Variants in PLXDC2 observed in about 807,000 individuals in gnomAD.
PLXDC2 encodes the protein plexin domain-containing protein 2.
PLXDC2 carries 40 observed loss-of-function variants against 68.9 expected under a neutral mutation model. That is an observed-to-expected ratio of 0.58 (90% CI 0.45 to 0.76). The LOEUF (loss-of-function observed/expected upper bound fraction) is 0.76. Among genes scored for constraint, PLXDC2 ranks in the 30% least tolerant of loss-of-function variants. PLXDC2 has a pLI of 0.00. For synonymous variants in PLXDC2, 243 were observed against 234.2 expected, an observed-to-expected ratio of 1.04 and a Z score of -0.34; for missense variants, 644 against 661.9, an observed-to-expected ratio of 0.97 and a Z score of 0.30.
rs1019912407 is a variant in PLXDC2, at chr10:20,281,960, C to G, written c.*2141C>G. On this transcript the variant is annotated 3_prime_UTR_variant, in exon 14 of 14. Coordinates refer to ENST00000377252, the MANE Select transcript of PLXDC2 (RefSeq NM_032812.9). ...TTGCATGTGTATTCTTAGTTTGTGT[C>G]CCTTAAGTACTACTTAATTCTCAAG... The G allele has an allele frequency of 2.0e-5, 3 of 152,056 alleles. No individual in the cohort carries two copies. The highest frequency in any genetic ancestry group is 4.4e-5 in the Non-Finnish European group (3 of 67,998). 9.4% of individuals were successfully genotyped at this position (152,056 alleles called of 1,614,324 possible).
In PLXDC2 at chr10:19,817,028, C is replaced by G; in HGVS notation, c.-52C>G. On this transcript the variant is annotated 5_prime_UTR_variant, in exon 1 of 14. Transcript: ENST00000377252. ...GTCGTGCCTATTGCATCGGGAGCCC[C>G]CGAGCACCGGCGAAGGACTGGCGGG... 1 of 1,422,298 alleles carries G rather than the reference C, an allele frequency of 7.0e-7. No homozygotes were observed. The highest frequency in any genetic ancestry group is 2.0e-5 in the Admixed American group (1 of 50,510). The allele number at this position is 1,422,298 out of a possible 1,614,324, so 88.1% of individuals were successfully genotyped here. A position where few individuals can be genotyped will look rare whatever the true frequency, so the allele number is the denominator to read the frequency against.
At chr10:20,055,372 C>T (rs990648215) in intron 3 of PLXDC2, among the ~76,000 whole-genome samples, 11 of 152,056 alleles carry the variant, frequency 7.2e-5, no homozygotes, top group East Asian at 3.9e-4. Flanking sequence ...CTGTTTATGG[C>T]GACTTTAGTA....
At chr10:20,189,562 T>TAC (rs2131837663) in intron 9 of PLXDC2, among the ~76,000 whole-genome samples, 1 of 145,836 alleles carries the variant, frequency 6.9e-6, no homozygotes, top group East Asian at 2.0e-4. Flanking sequence ...CACACATATA[T>TAC]ATATATACAC....
At chr10:20,025,866 G>A (rs1392342163) in intron 2 of PLXDC2, among the ~76,000 whole-genome samples, 1 of 151,388 alleles carries the variant, frequency 6.6e-6, no homozygotes, top group Non-Finnish European at 1.5e-5. Flanking sequence ...TTTCACCATT[G>A]AGTAATAATT....
chr10:19,981,427 G>A (rs527452039), intron 1 of PLXDC2, among the ~76,000 whole-genome samples: 4 of 152,256 alleles, frequency 2.6e-5, no homozygotes, highest in East Asian at 1.9e-4. Flanking sequence ...TTTGTCTTTC[G>A]TCAGTTTACG....
At chr10:19,838,017 G>A (rs1342168173) in intron 1 of PLXDC2, among the ~76,000 whole-genome samples, 1 of 152,026 alleles carries the variant, frequency 6.6e-6, no homozygotes, top group Non-Finnish European at 1.5e-5. Context: ...ATTTATTTTT[G>A]AGACAGGGTC....
At chr10:20,223,242 CT>C (rs1288614572) in intron 12 of PLXDC2, among the ~76,000 whole-genome samples, 1 of 151,710 alleles carries the variant, frequency 6.6e-6, no homozygotes, top group Non-Finnish European at 1.5e-5. Context: ...GGATGTGAAT[CT>C]ATTTAGCCTT....
At chr10:20,026,676 A>G (rs1835409621) in intron 2 of PLXDC2, among the ~76,000 whole-genome samples, 1 of 152,074 alleles carries the variant, frequency 6.6e-6, no homozygotes, top group Non-Finnish European at 1.5e-5. Flanking sequence ...ACAAGAGCAG[A>G]TACCACAAAT....
intron 1 of PLXDC2, among the ~76,000 whole-genome samples, chr10:19,855,593 G>A (rs565912964): frequency 1.3e-5 from 2 of 152,238 alleles, no homozygotes; most frequent in South Asian, 2.1e-4. Context: ...TAGAGGTTCA[G>A]CATCCCTAAC....
At chr10:19,977,361 C>T (rs978403025) in intron 1 of PLXDC2, among the ~76,000 whole-genome samples, 5 of 152,188 alleles carry the variant, frequency 3.3e-5, no homozygotes, top group African/African-American at 1.2e-4. Context: ...TTCACAAGAT[C>T]CCCAGGATAG....
intron 2 of PLXDC2, among the ~76,000 whole-genome samples, chr10:20,016,730 C>T (rs1241820602): frequency 6.6e-6 from 1 of 152,208 alleles, no homozygotes; most frequent in Non-Finnish European, 1.5e-5. Flanking sequence ...AAAGCTCAAG[C>T]TACCTGCACA....
chr10:20,258,189 G>C (rs1264613035), intron 13 of PLXDC2, among the ~76,000 whole-genome samples: 1 of 151,774 alleles, frequency 6.6e-6, no homozygotes, highest in Non-Finnish European at 1.5e-5. Context: ...TTTTAGTAGT[G>C]ATGGGGTTTC....
chr10:20,142,094 C>A (rs544145247), intron 4 of PLXDC2, among the ~76,000 whole-genome samples: 1 of 152,152 alleles, frequency 6.6e-6, no homozygotes, highest in Admixed American at 6.5e-5. Context: ...TCTGCAATAA[C>A]TTACCTAGAC....
intron 1 of PLXDC2, among the ~76,000 whole-genome samples, chr10:19,921,677 G>A (rs1414033504): frequency 1.3e-5 from 2 of 152,076 alleles, no homozygotes; most frequent in Admixed American, 6.5e-5. Flanking sequence ...AGCTTTCATG[G>A]AGCCAGTGAG....
At chr10:20,056,707 A>G (rs7899969) in intron 3 of PLXDC2, among the ~76,000 whole-genome samples, 13,451 of 152,192 alleles carry the variant, frequency 0.088, 1,256 homozygotes, top group African/African-American at 0.24. Flanking sequence ...TTGACAGATC[A>G]TATTTGAGTT....
At chr10:20,078,245 T>C (rs1486503570) in intron 4 of PLXDC2, among the ~76,000 whole-genome samples, 1 of 151,860 alleles carries the variant, frequency 6.6e-6, no homozygotes, top group Non-Finnish European at 1.5e-5. Context: ...TAGCAGGGCA[T>C]GGTGGTATGC....
At chr10:20,058,262 CA>C (rs967299078) in intron 3 of PLXDC2, among the ~76,000 whole-genome samples, 1 of 152,062 alleles carries the variant, frequency 6.6e-6, no homozygotes, top group African/African-American at 2.4e-5. Flanking sequence ...GAGGATTCAT[CA>C]TTTCTGTGTG....
intron 2 of PLXDC2, among the ~76,000 whole-genome samples, chr10:20,042,012 T>C (rs113303099): frequency 0.018 from 2,698 of 152,282 alleles, 77 homozygotes; most frequent in African/African-American, 0.061. Flanking sequence ...GGGGCTTCCA[T>C]TTACGAATTT....
At chr10:20,092,169 A>G (rs765241803) in intron 4 of PLXDC2, among the ~76,000 whole-genome samples, 22 of 152,200 alleles carry the variant, frequency 1.4e-4, no homozygotes, top group Non-Finnish European at 2.9e-4. Context: ...CAGTTCTGTA[A>G]TGTATTTATG....
Sources: allele counts gnomAD v4.1 joint callset (sites outside exome capture counted in the v4.1 genomes callset), GRCh38; gene constraint gnomAD v4.1.1; transcripts MANE v1.5; gene names NCBI Gene and HGNC (gene_info 2026-07-23, HGNC 2026-07-21).